STK10: variants seen among roughly 807,000 people sequenced by gnomAD.
STK10 encodes serine/threonine kinase 10.
STK10 carries 78 observed loss-of-function variants against 113.8 expected under a neutral mutation model. That is an observed-to-expected ratio of 0.69 (90% CI 0.57 to 0.83). The LOEUF is 0.83. Ranked by LOEUF, STK10 falls within the 40% of genes least tolerant of loss-of-function variation. The pLI is 0.00. For synonymous variants in STK10, 465 were observed against 494.7 expected, an observed-to-expected ratio of 0.94 and a Z score of 0.80; for missense variants, 1,109 against 1,280.1, an observed-to-expected ratio of 0.87 and a Z score of 2.04.
chr5:172,066,273 G>A (rs868260568), intron 12 of STK10, among the ~76,000 whole-genome samples: 8 of 152,086 alleles, frequency 5.3e-5, no homozygotes, highest in South Asian at 4.1e-4. Flanking sequence ...CAGGTGGCAC[G>A]AAGGGGAGTC....
intron 1 of STK10, among the ~76,000 whole-genome samples, chr5:172,160,563 C>T (rs531764372): frequency 3.3e-5 from 5 of 152,264 alleles, no homozygotes; most frequent in African/African-American, 1.2e-4. Context: ...ACGAGCTCCT[C>T]TGGACTGAAT....
chr5:172,092,066 A>G (rs985510473), intron 9 of STK10, among the ~76,000 whole-genome samples: 4 of 152,236 alleles, frequency 2.6e-5, no homozygotes, highest in Non-Finnish European at 5.9e-5. Flanking sequence ...GCATGGACCC[A>G]GCATGCCCGA....
At chr5:172,139,493 G>GAAA (rs551856973) in intron 2 of STK10, among the ~76,000 whole-genome samples, 3,742 of 106,470 alleles carry the variant, frequency 0.035, 212 homozygotes, top group African/African-American at 0.11. Context: ...CCCATCTCTG[G>GAAA]AAAAAAAAAA....
intron 1 of STK10, among the ~76,000 whole-genome samples, chr5:172,173,523 C>T (rs1015728185): frequency 9.9e-5 from 15 of 152,202 alleles, no homozygotes; most frequent in African/African-American, 3.6e-4. Flanking sequence ...CTGGTGCCCT[C>T]AACTACAACT....
At chr5:172,138,209 C>T (rs1465653889) in intron 2 of STK10, among the ~76,000 whole-genome samples, 2 of 152,158 alleles carry the variant, frequency 1.3e-5, no homozygotes, top group East Asian at 3.9e-4. Context: ...GCAACTTCCG[C>T]CTCCCGGGTT....
rs150391433 is a variant in STK10, at chr5:172,106,138, C to T, written c.789-401G>A. Among the ~76,000 whole-genome samples the T allele has an allele frequency of 8.4e-4, 128 of 151,980 alleles. 1 individual carries two copies. The highest frequency in any genetic ancestry group is 3.0e-3 in the African/African-American group (123 of 41,468). On this transcript the variant is annotated intron_variant, in intron 6 of 18. Transcript: ENST00000176763. ...TCATGTCAAGTGCACAGAGGCAGCA[C>T]GGTAGCTCACGCCTGTAATTCCAGC...
intron 2 of STK10, among the ~76,000 whole-genome samples, chr5:172,138,890 TGTA>T (rs1769922850): frequency 1.3e-5 from 2 of 152,084 alleles, no homozygotes; most frequent in Non-Finnish European, 2.9e-5. Flanking sequence ...GGCGGGTGCC[TGTA>T]GTCCCAGCTA....
intron 7 of STK10, among the ~76,000 whole-genome samples, chr5:172,099,061 A>C (rs573019858): frequency 6.6e-6 from 1 of 151,848 alleles, no homozygotes; most frequent in Non-Finnish European, 1.5e-5. Flanking sequence ...CATCATTACC[A>C]TCACCATCAT....
intron 1 of STK10, among the ~76,000 whole-genome samples, chr5:172,169,457 TGGTGAATGGATGAGAGGTTG>T (rs1422950170): frequency 6.8e-6 from 1 of 147,432 alleles, no homozygotes; most frequent in Non-Finnish European, 1.5e-5. Context: ...TTAAGTGGGA[TGGTGAATGGATGAGAGGTTG>T]GGTGAATGGA....
At chr5:172,173,669 C>T (rs936701630) in intron 1 of STK10, among the ~76,000 whole-genome samples, 1 of 152,140 alleles carries the variant, frequency 6.6e-6, no homozygotes, top group Non-Finnish European at 1.5e-5. Context: ...GAGGCTGATC[C>T]CAGAACGCTT....
chr5:172,149,814 G>A (rs1770173580), intron 2 of STK10, among the ~76,000 whole-genome samples: 1 of 152,010 alleles, frequency 6.6e-6, no homozygotes, highest in African/African-American at 2.4e-5. Flanking sequence ...GGGAGGCCGA[G>A]GCGGGTGGAT....
intron 2 of STK10, among the ~76,000 whole-genome samples, chr5:172,145,720 C>T (rs1289025416): frequency 6.6e-6 from 1 of 152,206 alleles, no homozygotes; most frequent in African/African-American, 2.4e-5. Context: ...TTCGGAGATC[C>T]AAGCCTCAGT....
intron 1 of STK10, among the ~76,000 whole-genome samples, chr5:172,162,937 AC>A (rs1770499687): frequency 6.6e-6 from 1 of 152,212 alleles, no homozygotes; most frequent in Non-Finnish European, 1.5e-5. Flanking sequence ...CTCAGCCAGT[AC>A]CAGTGTCAAC....
rs11273930 is a variant in STK10 at position 172,171,730 on chromosome 5, T to TGAATAGAATAGAATA, written c.157-14957_157-14943dup. 6.3e-3 allele frequency among the ~76,000 whole-genome samples: 936 copies of TGAATAGAATAGAATA among 149,116 alleles called. 12 individuals are homozygous for TGAATAGAATAGAATA. The highest frequency in any genetic ancestry group is 0.018 in the African/African-American group (705 of 40,264). ...ACTCTTGTCTTAAAATAAAATAAAATGAATAGAATAGAATAGAATAGAATA... is the reference window on the plus strand; with the variant it reads ...ACTCTTGTCTTAAAATAAAATAAAATGAATAGAATAGAATAGAATAGAATAGAATAGAATAGAATA... On this transcript the variant is annotated intron_variant, in intron 1 of 18. Transcript: ENST00000176763.
intron 2 of STK10, among the ~76,000 whole-genome samples, chr5:172,137,714 A>G (rs1268188820): frequency 7.1e-6 from 1 of 140,442 alleles, no homozygotes; most frequent in Non-Finnish European, 1.5e-5. Flanking sequence ...TCCCATCTTT[A>G]CTAAAAATAC....
intron 3 of STK10, among the ~76,000 whole-genome samples, chr5:172,124,909 A>T (rs1050867223): frequency 2.6e-5 from 4 of 152,208 alleles, no homozygotes; most frequent in Non-Finnish European, 1.5e-5. Context: ...TATTTTAAAT[A>T]GCATTACTTT....
chr5:172,074,296 T>C (rs1452371670), intron 12 of STK10, among the ~76,000 whole-genome samples: 1 of 152,192 alleles, frequency 6.6e-6, no homozygotes, highest in African/African-American at 2.4e-5. Flanking sequence ...TCACGGCTTT[T>C]ATAAAGCTAC....
chr5:172,056,310 G>T (rs905893654), intron 15 of STK10, among the ~76,000 whole-genome samples: 1 of 152,188 alleles, frequency 6.6e-6, no homozygotes, highest in Non-Finnish European at 1.5e-5. Flanking sequence ...ATACACAGCT[G>T]CTGTGCATCC....
chr5:172,108,894 T>G (rs2113767453), intron 4 of STK10, among the ~76,000 whole-genome samples: 1 of 151,814 alleles, frequency 6.6e-6, no homozygotes, highest in South Asian at 2.1e-4. Flanking sequence ...CAGCGATTCT[T>G]GTGCCTCAGC....
Sources: allele counts gnomAD v4.1 joint callset (sites outside exome capture counted in the v4.1 genomes callset), GRCh38; gene constraint gnomAD v4.1.1; transcripts MANE v1.5; gene names NCBI Gene and HGNC (gene_info 2026-07-23, HGNC 2026-07-21).